Variants in FRY observed in about 807,000 individuals in gnomAD.
The protein encoded by FRY is FRY microtubule binding protein, also known as protein furry homolog.
Under a neutral mutation model 348.4 loss-of-function variants are expected in FRY, and 128 were observed. The observed-to-expected ratio is 0.37, with a 90% CI of 0.32 to 0.43. The LOEUF is 0.43. Among genes scored for constraint, FRY ranks in the 20% least tolerant of loss-of-function variants. The probability of loss-of-function intolerance (pLI) is 1.00; values close to 1 mark genes in which losing one functional copy is unlikely to be tolerated. For synonymous variants in FRY, 1,370 were observed against 1,374.7 expected (o/e 1.00, Z 0.08); for missense variants, 2,736 against 3,695.2 (o/e 0.74, Z 6.73).
intron 35 of FRY, among the ~76,000 whole-genome samples, chr13:32,214,258 T>C (rs1884850910): frequency 6.6e-6 from 1 of 152,204 alleles, no homozygotes; most frequent in Non-Finnish European, 1.5e-5. Context: ...CATGTTGATA[T>C]ATGGGTGCTT....
chr13:32,189,875 G>C (rs898598706), intron 28 of FRY, among the ~76,000 whole-genome samples: 2 of 151,966 alleles, frequency 1.3e-5, no homozygotes, highest in African/African-American at 2.4e-5. Flanking sequence ...TCATGAGATT[G>C]TCTCTAATAC....
intron 16 of FRY, 130 bp from the exon 17 acceptor site, chr13:32,161,014 T>C: frequency 1.4e-6 from 1 of 699,234 alleles, no homozygotes; most frequent in Non-Finnish European, 2.6e-6. Context: ...CATTTGAGAG[T>C]AATATGGAGC....
rs762420439 is a variant in FRY, at chr13:32,117,423, T to C, written c.414T>C (p.Ile138=). 1 of 1,613,818 alleles carries C rather than the reference T, an allele frequency of 6.2e-7. No homozygotes were observed. The highest frequency in any genetic ancestry group is 1.7e-5 in the Admixed American group (1 of 60,012). The part of the protein sequence containing the change: ...LFDWYKRQNG[I]EDESHEYRPR... ...ACTGGTATAAAAGGCAAAATGGCATTGAGGATGAATCACATGAATACAGAC... is the reference window on the plus strand; with the variant it reads ...ACTGGTATAAAAGGCAAAATGGCATCGAGGATGAATCACATGAATACAGAC... Residue 138 remains isoleucine (I), a synonymous_variant, in exon 4 of 61, where the codon ATT becomes ATC. Transcript: ENST00000542859.
At chr13:32,087,408 G>A (rs1194533721) in intron 2 of FRY, among the ~76,000 whole-genome samples, 22 of 152,178 alleles carry the variant, frequency 1.4e-4, no homozygotes, top group African/African-American at 2.4e-5. Flanking sequence ...GCTGGCATCA[G>A]GACAACTCTC....
At chr13:32,115,261 A>G (rs1413987720) in intron 3 of FRY, among the ~76,000 whole-genome samples, 1 of 152,216 alleles carries the variant, frequency 6.6e-6, no homozygotes, top group Non-Finnish European at 1.5e-5. Flanking sequence ...CCTGCTTTAT[A>G]AAAGGAAGTG....
At chr13:32,108,233 G>A (rs1877703769) in intron 3 of FRY, among the ~76,000 whole-genome samples, 1 of 152,146 alleles carries the variant, frequency 6.6e-6, no homozygotes, top group African/African-American at 2.4e-5. Context: ...AGGGACAGAA[G>A]ACACATGCCT....
rs778253737 is a variant in FRY, at chr13:32,228,670, G to T, written c.5405+16G>T. On this transcript the variant is annotated intron_variant, in intron 40 of 60. Transcript: ENST00000542859. ...TCACGACCAGGTAATAAGGGGTTAGGAGTCCGCTGCTGTTTGCAGGTTGGT... is the reference window on the plus strand; with the variant it reads ...TCACGACCAGGTAATAAGGGGTTAGTAGTCCGCTGCTGTTTGCAGGTTGGT... 4.8e-5 allele frequency: 78 copies of T among 1,610,636 alleles called. No individual in the cohort carries two copies. Among genetic ancestry groups the T allele is most frequent in the Non-Finnish European group, 6.0e-5 (71 of 1,176,908 alleles).
At position 32,171,159 on chromosome 13, in the gene FRY, A is replaced by G. The variant is rs190949758; in HGVS notation, c.2040A>G (p.Thr680=). The change falls in exon 18 of 61, where the codon ACA becomes ACG. Residue 680 remains threonine, a synonymous_variant. Transcript: ENST00000542859. ...GGGAAGTAAATGATATGCATCACACACTCCTTGATTCGTCCCTGAAGTTGC... is the reference window on the plus strand; with the variant it reads ...GGGAAGTAAATGATATGCATCACACGCTCCTTGATTCGTCCCTGAAGTTGC... ...LLREVNDMHH[T]LLDSSLKLLL... 1.4e-5 allele frequency: 22 copies of G among 1,613,202 alleles called. No individual in the cohort carries two copies. The highest frequency in any genetic ancestry group is 1.9e-5 in the Non-Finnish European group (22 of 1,179,732).
At chr13:32,225,657 C>T in intron 38 of FRY, 132 bp from the exon 39 acceptor site, 1 of 809,456 alleles carries the variant, frequency 1.2e-6, no homozygotes, top group Non-Finnish European at 2.2e-6. Flanking sequence ...ATGTTGGTAA[C>T]CCAAACAATA....
Position 32,194,135 on chromosome 13 carries a change from G to A in FRY, c.3592-8G>A. 1 of 1,611,008 alleles carries A rather than the reference G, an allele frequency of 6.2e-7. No individual in the cohort carries two copies. Among genetic ancestry groups the A allele is most frequent in the African/African-American group, 1.3e-5 (1 of 74,952 alleles). ...TGGGAATAATATTGATTTGCTCCAT[G>A]TATTCAGGTTCATCAACTTGGCTGC... On this transcript the variant is annotated splice_polypyrimidine_tract_variant and splice_region_variant and intron_variant, in intron 28 of 60. Transcript: ENST00000542859.
intron 23 of FRY, among the ~76,000 whole-genome samples, chr13:32,181,537 T>A (rs538838283): frequency 3.7e-4 from 49 of 132,778 alleles, no homozygotes; most frequent in African/African-American, 1.4e-3. Context: ...GAGGTTGCAG[T>A]GCACTCCAGC....
chr13:32,070,814 A>G (rs1874603467), intron 1 of FRY, among the ~76,000 whole-genome samples: 1 of 152,116 alleles, frequency 6.6e-6, no homozygotes, highest in Non-Finnish European at 1.5e-5. Flanking sequence ...GGTATTGCCT[A>G]GGTTTTCTTC....
At chr13:32,185,899 A>G (rs1223882038) in intron 26 of FRY, among the ~76,000 whole-genome samples, 2 of 152,186 alleles carry the variant, frequency 1.3e-5, no homozygotes, top group African/African-American at 4.8e-5. Flanking sequence ...AGTCTATGCT[A>G]TTTCCGAGTT....
chr13:32,057,312 C>T (rs912974055), intron 1 of FRY, among the ~76,000 whole-genome samples: 4 of 152,080 alleles, frequency 2.6e-5, no homozygotes, highest in Admixed American at 6.5e-5. Context: ...GCTGGGATTA[C>T]AGGCACGTGC....
chr13:32,045,194 G>A (rs374506502), intron 1 of FRY, among the ~76,000 whole-genome samples: 1 of 152,046 alleles, frequency 6.6e-6, no homozygotes, highest in Non-Finnish European at 1.5e-5. Flanking sequence ...GCTGAATTTC[G>A]CTATTAGTCA....
At chr13:32,170,025 C>G (rs1323150188) in intron 17 of FRY, among the ~76,000 whole-genome samples, 1 of 152,228 alleles carries the variant, frequency 6.6e-6, no homozygotes, top group South Asian at 2.1e-4. Flanking sequence ...TGAGCAGCAT[C>G]CCTAGCTTCT....
intron 7 of FRY, among the ~76,000 whole-genome samples, chr13:32,127,322 T>A (rs1034265485): frequency 6.6e-6 from 1 of 152,186 alleles, no homozygotes; most frequent in African/African-American, 2.4e-5. Context: ...AATCATTGAG[T>A]TACAGTATTT....
intron 7 of FRY, among the ~76,000 whole-genome samples, chr13:32,130,908 C>T (rs1032027454): frequency 1.3e-5 from 2 of 151,732 alleles, no homozygotes; most frequent in African/African-American, 2.4e-5. Context: ...CTCTGCCTCC[C>T]GGGTTCAAGT....
At chr13:32,156,083 C>G (rs987171453) in intron 15 of FRY, among the ~76,000 whole-genome samples, 4 of 152,156 alleles carry the variant, frequency 2.6e-5, no homozygotes, top group African/African-American at 9.7e-5. Context: ...CAACACACAT[C>G]AGGTTATATT....
Sources: gnomAD v4.1 joint callset for allele counts (sites outside exome capture counted in the v4.1 genomes callset) on GRCh38, gnomAD v4.1.1 for gene constraint, MANE v1.5 for transcripts, NCBI Gene and HGNC (gene_info 2026-07-23, HGNC 2026-07-21) for gene names.